The following GEMIN8 variants were observed in gnomAD, a reference collection of about 807,000 sequenced individuals.
GEMIN8 encodes the protein gem nuclear organelle associated protein 8.
For synonymous variants in GEMIN8, 80 were observed against 78.5 expected, an observed-to-expected ratio of 1.02 and a Z score of -0.10; for missense variants, 185 against 205.9, an observed-to-expected ratio of 0.90 and a Z score of 0.62.
At chrX:13,990,522 G>T in the GEMIN8 span, among the ~76,000 whole-genome samples, 1 of 112,344 alleles carries the variant, frequency 8.9e-6, no homozygotes, top group Admixed American at 9.4e-5. Context: ...AGAAGAGAAT[G>T]GTTGGAGTTG....
At chrX:14,029,031 C>T in intron 1 of GEMIN8, among the ~76,000 whole-genome samples, 1 of 111,668 alleles carries the variant, frequency 9.0e-6, no homozygotes, top group Non-Finnish European at 1.9e-5. Context: ...GCCTGTCAAA[C>T]GAGTTTAAAA....
intron 2 of GEMIN8, among the ~76,000 whole-genome samples, chrX:14,023,143 A>G: frequency 8.9e-6 from 1 of 112,329 alleles, no homozygotes; most frequent in Middle Eastern, 4.6e-3. Context: ...TTAAGTTCAC[A>G]TTAATCTATA....
chrX:14,017,872 G>GT (rs1461765930), intron 4 of GEMIN8, among the ~76,000 whole-genome samples: 1 of 112,333 alleles, frequency 8.9e-6, no homozygotes, highest in Non-Finnish European at 1.9e-5. Flanking sequence ...GGAACTGGGG[G>GT]TTAGGATTCC....
the GEMIN8 span, among the ~76,000 whole-genome samples, chrX:13,992,163 T>C: frequency 0.26 from 29,275 of 111,112 alleles, 2,867 homozygotes; most frequent in South Asian, 0.33. Context: ...TATACATGTA[T>C]ACAACGTAAA....
At chrX:14,022,033 A>G (rs1924404073) in intron 2 of GEMIN8, among the ~76,000 whole-genome samples, 1 of 100,850 alleles carries the variant, frequency 9.9e-6, no homozygotes, top group Non-Finnish European at 2.0e-5. Context: ...ATATATACAC[A>G]TGTATATATA....
In GEMIN8 at chrX:14,020,106, T is replaced by G; in HGVS notation, c.444A>C (p.Ala148=). The G allele has an allele frequency of 3.3e-6, 4 of 1,205,009 alleles. No homozygotes were observed. Among genetic ancestry groups the G allele is most frequent in the Non-Finnish European group, 4.5e-6 (4 of 889,400 alleles). ...EITEELRQYF[A]ETERHREERR... The stretch of plus-strand genomic sequence containing the variant: ...GTTCTTCTCTATGCCTCTCGGTCTC[T>G]GCAAAGTACTGGCGGAGCTCTTCAG... The change falls in exon 4 of 5, where the codon GCA becomes GCC. Residue 148 remains alanine, a synonymous_variant. Coordinates refer to ENST00000680255, the MANE Select transcript of GEMIN8 (RefSeq NM_001042479.2).
At chrX:14,011,517 T>TG (rs1491583029) in intron 4 of GEMIN8, among the ~76,000 whole-genome samples, 4 of 36,332 alleles carry the variant, frequency 1.1e-4, no homozygotes, top group African/African-American at 2.6e-4. Flanking sequence ...TATGGCTCTC[T>TG]TTTTTTTTTT....
intron 4 of GEMIN8, among the ~76,000 whole-genome samples, chrX:14,018,925 C>A (rs970438564): frequency 5.5e-5 from 6 of 109,592 alleles, no homozygotes; most frequent in African/African-American, 1.3e-4. Context: ...GCTGGATATA[C>A]TTTCTAATAT....
chrX:14,012,905 C>A (rs763229256), intron 4 of GEMIN8, among the ~76,000 whole-genome samples: 1 of 111,132 alleles, frequency 9.0e-6, no homozygotes, highest in Non-Finnish European at 1.9e-5. Context: ...CTCTTACATT[C>A]GAATTGCTTT....
chrX:14,024,697 C>G (rs1924581721), intron 2 of GEMIN8, among the ~76,000 whole-genome samples: 1 of 111,546 alleles, frequency 9.0e-6, no homozygotes, highest in South Asian at 3.8e-4. Context: ...AAGCCAGTTC[C>G]AGCTTCTGAA....
At chrX:13,998,944 T>C in the GEMIN8 span, among the ~76,000 whole-genome samples, 3 of 112,417 alleles carry the variant, frequency 2.7e-5, no homozygotes, top group African/African-American at 9.7e-5. Flanking sequence ...TGTCAGATTC[T>C]ATAGCACTCA....
chrX:14,021,598 C>T, intron 2 of GEMIN8, 87 bp from the exon 3 acceptor site: 3 of 616,697 alleles, frequency 4.9e-6, no homozygotes, highest in Non-Finnish European at 7.9e-6. Flanking sequence ...AGGCAGCTCC[C>T]AAGGAACTGC....
Position 14,009,095 on chromosome X carries a change from G to A in GEMIN8, c.547C>T (p.Arg183Cys), listed in dbSNP as rs1923348900. 4 of 1,211,075 alleles carry A rather than the reference G, an allele frequency of 3.3e-6. No individual in the cohort carries two copies. The highest frequency in any genetic ancestry group is 4.5e-6 in the Non-Finnish European group (4 of 894,588). Residue 183 changes from arginine (R) to cysteine (C), a missense_variant, in exon 5 of 5, where the codon CGC (arginine) becomes TGC (cysteine). By Grantham distance (180) the Arg-to-Cys change is radical. Transcript: ENST00000680255. ...TCAGTTGGGGCTTCTACCGACCGGCGGGTGTTGCAGTACAGGTCGTGGTCA... is the reference window on the plus strand; with the variant it reads ...TCAGTTGGGGCTTCTACCGACCGGCAGGTGTTGCAGTACAGGTCGTGGTCA... ...NADHDLYCNT[R>C]RSVEAPTERP...
At chrX:13,992,772 G>C in the GEMIN8 span, among the ~76,000 whole-genome samples, 1 of 111,786 alleles carries the variant, frequency 8.9e-6, no homozygotes, top group Non-Finnish European at 1.9e-5. Context: ...GCCACTGTAA[G>C]GGCTTGAGCT....
the GEMIN8 span, among the ~76,000 whole-genome samples, chrX:13,990,161 T>C: frequency 8.9e-6 from 1 of 112,991 alleles, no homozygotes; most frequent in African/African-American, 3.2e-5. Flanking sequence ...GTGCAGACAT[T>C]GAACATTTCC....
the GEMIN8 span, among the ~76,000 whole-genome samples, chrX:13,995,036 G>A: frequency 9.9e-4 from 111 of 111,893 alleles, 1 homozygote; most frequent in African/African-American, 3.6e-3. Flanking sequence ...CAAAAGTAGG[G>A]AAGGCGACAG....
At chrX:14,022,079 TACAC>T (rs774846796) in intron 2 of GEMIN8, among the ~76,000 whole-genome samples, 61 of 102,096 alleles carry the variant, frequency 6.0e-4, no homozygotes, top group African/African-American at 1.9e-3. Flanking sequence ...TATATATATA[TACAC>T]ACACACACAA....
chrX:14,020,320 T>C lies in GEMIN8; in HGVS notation c.230A>G (p.Tyr77Cys), dbSNP rs1603199141. Reference sequence around the variant, plus strand: ...GTCCTGCCAGGCCACATGATGGTCATAGAAGGACTGAGGATACGCAGCCTC... The same window carrying C: ...GTCCTGCCAGGCCACATGATGGTCACAGAAGGACTGAGGATACGCAGCCTC... ...DNEAAYPQSFYDHHVAWQDYP... is the reference protein window; with the variant it reads ...DNEAAYPQSFCDHHVAWQDYP... Residue 77 changes from tyrosine (Y) to cysteine (C), a missense_variant, in exon 4 of 5, where the codon TAT (tyrosine) becomes TGT (cysteine). Physicochemically the swap from Tyr to Cys is radical, Grantham distance 194. Coordinates refer to ENST00000680255, the MANE Select transcript of GEMIN8 (RefSeq NM_001042479.2). 3 of 1,208,840 alleles carry C rather than the reference T, an allele frequency of 2.5e-6. No homozygotes were observed. Among genetic ancestry groups the C allele is most frequent in the Non-Finnish European group, 3.4e-6 (3 of 892,720 alleles).
At position 14,009,138 on chromosome X, in the gene GEMIN8, C is replaced by T. The variant is rs1290709890; in HGVS notation, c.504G>A (p.Leu168=). ...RRQQQLDAER[L]DSYVNADHDL... is the part of the protein sequence containing the mutation. ...CGTGGTCAGCGTTCACATAGCTGTC[C>T]AGGCGCTCTGCATCCAGCTGCTGCT... Residue 168 remains leucine (L), a synonymous_variant, in exon 5 of 5, where the codon CTG becomes CTA. Coordinates refer to ENST00000680255, the MANE Select transcript of GEMIN8 (RefSeq NM_001042479.2). 7 of 1,211,335 alleles carry T rather than the reference C, an allele frequency of 5.8e-6. No individual in the cohort carries two copies. Among genetic ancestry groups the T allele is most frequent in the Non-Finnish European group, 5.6e-6 (5 of 894,817 alleles).
Sources: allele counts gnomAD v4.1 joint callset (sites outside exome capture counted in the v4.1 genomes callset), GRCh38; gene constraint gnomAD v4.1.1; transcripts MANE v1.5; gene names NCBI Gene and HGNC (gene_info 2026-07-23, HGNC 2026-07-21).